The following CEP128 variants were observed in gnomAD, a reference collection of about 807,000 sequenced individuals.
CEP128 encodes centrosomal protein 128kDa.
Under a neutral mutation model 156.7 loss-of-function variants are expected in CEP128, and 132 were observed. That is an observed-to-expected ratio of 0.84 (90% CI 0.73 to 0.97). CEP128 has a LOEUF of 0.97. CEP128 is among the 50% of genes least tolerant of loss of function. CEP128 has a pLI of 0.00. For missense variants in CEP128, 1,252 were observed against 1,281.9 expected, an observed-to-expected ratio of 0.98 and a Z score of 0.36; for synonymous variants, 469 against 448.9, an observed-to-expected ratio of 1.04 and a Z score of -0.57.
At chr14:80,551,017 A>G (rs1384678422) in intron 21 of CEP128, among the ~76,000 whole-genome samples, 2 of 152,240 alleles carry the variant, frequency 1.3e-5, no homozygotes, top group East Asian at 3.9e-4. Context: ...TAAAAAGTAC[A>G]TGAGAATGAA....
intron 20 of CEP128, among the ~76,000 whole-genome samples, chr14:80,576,229 G>T (rs1274339793): frequency 6.6e-6 from 1 of 152,158 alleles, no homozygotes; most frequent in Non-Finnish European, 1.5e-5. Context: ...AGGAAAAATG[G>T]ATTACCTTGT....
chr14:80,563,109 C>T (rs11623496), intron 20 of CEP128, among the ~76,000 whole-genome samples: 12,784 of 152,194 alleles, frequency 0.084, 680 homozygotes, highest in African/African-American at 0.14. Flanking sequence ...TAATTTTTCC[C>T]TTTTTCTTTA....
At chr14:80,924,463 G>C (rs1885038476) in intron 2 of CEP128, among the ~76,000 whole-genome samples, 1 of 152,186 alleles carries the variant, frequency 6.6e-6, no homozygotes, top group Non-Finnish European at 1.5e-5. Context: ...AAATAAATAA[G>C]TCATAGTCTT....
rs562829590 is a variant in CEP128, at chr14:80,592,281, G to A, written c.2807-11858C>T. 3.9e-5 allele frequency among the ~76,000 whole-genome samples: 6 copies of A among 152,104 alleles called. No homozygotes were observed. In the South Asian group the frequency reaches 1.2e-3, roughly 32 times the overall value. On this transcript the variant is annotated intron_variant, in intron 19 of 24. Transcript: ENST00000555265. ...CCAGATTAATAAGGTAGAAAACAGG[G>A]GAGAATCAAATAGACACAATAAAAA...
At chr14:80,750,296 T>A (rs778149366) in intron 18 of CEP128, among the ~76,000 whole-genome samples, 1 of 152,246 alleles carries the variant, frequency 6.6e-6, no homozygotes, top group Non-Finnish European at 1.5e-5. Context: ...AAGAATGGAC[T>A]GGACCGTGTC....
chr14:80,500,260 C>A (rs1437574929), intron 24 of CEP128, among the ~76,000 whole-genome samples: 1 of 152,166 alleles, frequency 6.6e-6, no homozygotes, highest in Non-Finnish European at 1.5e-5. Flanking sequence ...TTTGACAGGG[C>A]ATCTAAGTCA....
At chr14:80,679,171 CAT>C (rs1175039637) in intron 19 of CEP128, among the ~76,000 whole-genome samples, 4 of 152,088 alleles carry the variant, frequency 2.6e-5, no homozygotes, top group Non-Finnish European at 4.4e-5. Flanking sequence ...GATTGTAGAA[CAT>C]GTGTGTTTGA....
intron 19 of CEP128, among the ~76,000 whole-genome samples, chr14:80,690,403 C>T (rs1311463242): frequency 4.7e-5 from 7 of 148,200 alleles, no homozygotes; most frequent in South Asian, 2.1e-4. Flanking sequence ...GCAAAAACAG[C>T]GAAACTCCAT....
intron 13 of CEP128, among the ~76,000 whole-genome samples, chr14:80,819,446 C>T (rs1885047190): frequency 1.3e-5 from 2 of 151,912 alleles, no homozygotes; most frequent in Admixed American, 6.6e-5. Context: ...CGGGGTTTCA[C>T]TGTGTTAGCC....
chr14:80,849,557 T>C (rs1886784352), intron 9 of CEP128, among the ~76,000 whole-genome samples: 1 of 152,134 alleles, frequency 6.6e-6, no homozygotes, highest in African/African-American at 2.4e-5. Context: ...TTGACCACAG[T>C]ATGGACAAAG....
chr14:80,918,586 C>T (rs1884686026), intron 2 of CEP128, among the ~76,000 whole-genome samples: 1 of 152,218 alleles, frequency 6.6e-6, no homozygotes, highest in Non-Finnish European at 1.5e-5. Flanking sequence ...CAAGATTCAG[C>T]TGGCTTTCTC....
At chr14:80,658,344 C>T (rs1221108178) in intron 19 of CEP128, among the ~76,000 whole-genome samples, 3 of 152,128 alleles carry the variant, frequency 2.0e-5, no homozygotes, top group Middle Eastern at 3.2e-3. Context: ...GCCCTATTCA[C>T]ATTTATGCTT....
chr14:80,642,549 G>A (rs1335234511), intron 19 of CEP128, among the ~76,000 whole-genome samples: 2 of 151,984 alleles, frequency 1.3e-5, no homozygotes, highest in Non-Finnish European at 2.9e-5. Flanking sequence ...CAGGCATAGG[G>A]GTGCATGCTT....
chr14:80,819,566 G>A (rs1279264584), intron 13 of CEP128, among the ~76,000 whole-genome samples: 1 of 151,926 alleles, frequency 6.6e-6, no homozygotes, highest in Non-Finnish European at 1.5e-5. Flanking sequence ...CTTCTTATAA[G>A]GGCACTAATC....
At chr14:80,598,032 T>C (rs1416815673) in intron 19 of CEP128, among the ~76,000 whole-genome samples, 1 of 147,236 alleles carries the variant, frequency 6.8e-6, no homozygotes, top group Non-Finnish European at 1.5e-5. Flanking sequence ...CCATTTAAGA[T>C]GAGAAATAAG....
At chr14:80,871,652 ACTT>A (rs1888033808) in intron 8 of CEP128, among the ~76,000 whole-genome samples, 1 of 152,110 alleles carries the variant, frequency 6.6e-6, no homozygotes, top group Non-Finnish European at 1.5e-5. Flanking sequence ...ATATTTTAGA[ACTT>A]CTTTATTTTT....
chr14:80,882,310 G>C (rs1888592335), intron 8 of CEP128, among the ~76,000 whole-genome samples: 1 of 151,996 alleles, frequency 6.6e-6, no homozygotes, highest in African/African-American at 2.4e-5. Flanking sequence ...ATGGCAAGCA[G>C]GCATACAAAA....
chr14:80,751,312 T>G (rs1899380915), intron 18 of CEP128, among the ~76,000 whole-genome samples: 1 of 152,180 alleles, frequency 6.6e-6, no homozygotes, highest in African/African-American at 2.4e-5. Flanking sequence ...GCAGAATATA[T>G]TATTAATCCT....
chr14:80,514,451 C>G (rs982862611), intron 23 of CEP128, among the ~76,000 whole-genome samples: 1 of 151,906 alleles, frequency 6.6e-6, no homozygotes, highest in Non-Finnish European at 1.5e-5. Flanking sequence ...TTTCAAATAG[C>G]CTGTCTTTAA....
Sources: allele counts gnomAD v4.1 joint callset (sites outside exome capture counted in the v4.1 genomes callset), GRCh38; gene constraint gnomAD v4.1.1; transcripts MANE v1.5; gene names NCBI Gene and HGNC (gene_info 2026-07-23, HGNC 2026-07-21).